SLC26A8: variants seen among roughly 807,000 people sequenced by gnomAD.
The protein encoded by SLC26A8 is testis anion transporter 1.
Under a neutral mutation model 105.0 loss-of-function variants are expected in SLC26A8, and 70 were observed. That is an observed-to-expected ratio of 0.67 (90% confidence interval 0.55 to 0.81). The LOEUF is 0.81. SLC26A8 is among the 40% of genes least tolerant of loss of function. The probability of loss-of-function intolerance (pLI) is 0.00; values close to 1 mark genes in which losing one functional copy is unlikely to be tolerated. For missense variants in SLC26A8, 998 were observed against 1,181.8 expected, an observed-to-expected ratio of 0.84 and a Z score of 2.28; for synonymous variants, 415 against 438.3, an observed-to-expected ratio of 0.95 and a Z score of 0.66.
chr6:35,987,005 C>A (rs1773548696), intron 7 of SLC26A8, among the ~76,000 whole-genome samples: 1 of 152,144 alleles, frequency 6.6e-6, no homozygotes, highest in South Asian at 2.1e-4. Context: ...ATTGCTGGAT[C>A]TGCCTTCAGG....
At chr6:35,979,684 G>C (rs566834501) in intron 8 of SLC26A8, among the ~76,000 whole-genome samples, 1 of 152,204 alleles carries the variant, frequency 6.6e-6, no homozygotes, top group East Asian at 1.9e-4. Flanking sequence ...ATCTATATTA[G>C]TAAAGCTTGA....
chr6:35,975,515 GC>G, intron 9 of SLC26A8, 27 bp from the exon 10 acceptor site: 1 of 1,446,768 alleles, frequency 6.9e-7, no homozygotes. Flanking sequence ...GATGCTTTAG[GC>G]CCCCGTTTTT....
chr6:36,009,578 A>G (rs565005416), intron 3 of SLC26A8, among the ~76,000 whole-genome samples: 6 of 152,310 alleles, frequency 3.9e-5, no homozygotes, highest in Non-Finnish European at 7.3e-5. Flanking sequence ...ATTATGAGGG[A>G]AAAAAACCAA....
chr6:35,955,601 C>G, intron 16 of SLC26A8, 81 bp from the exon 17 acceptor site: 1 of 1,523,308 alleles, frequency 6.6e-7, no homozygotes. Flanking sequence ...TATTTCTTGT[C>G]TCTGCCAGCT....
chr6:35,975,913 CAAAAAAAA>C (rs34783824), intron 9 of SLC26A8, among the ~76,000 whole-genome samples: 1 of 81,070 alleles, frequency 1.2e-5, no homozygotes, highest in Non-Finnish European at 2.3e-5. Context: ...AACTCCATCT[CAAAAAAAA>C]AAAAAAAAAA....
At chr6:35,954,207 G>A (rs1404471994) in intron 17 of SLC26A8, among the ~76,000 whole-genome samples, 1 of 152,200 alleles carries the variant, frequency 6.6e-6, no homozygotes, top group Non-Finnish European at 1.5e-5. Flanking sequence ...AGAACTGTTA[G>A]AGAAACCCAA....
chr6:35,982,095 CA>C, intron 8 of SLC26A8, 25 bp downstream of exon 8: 2 of 1,610,048 alleles, frequency 1.2e-6, no homozygotes, highest in Non-Finnish European at 1.7e-6. Context: ...AAGAGAAAAG[CA>C]ATCTTGAAAA....
At chr6:36,000,181 A>C in intron 3 of SLC26A8, 73 bp from the exon 4 acceptor site, 4 of 989,410 alleles carry the variant, frequency 4.0e-6, no homozygotes, top group Non-Finnish European at 6.3e-6. Flanking sequence ...TGTAAAGAAT[A>C]TTTAAAATAA....
chr6:36,002,223 A>G (rs567926188), intron 3 of SLC26A8, among the ~76,000 whole-genome samples: 106 of 152,120 alleles, frequency 7.0e-4, no homozygotes, highest in Non-Finnish European at 1.1e-3. Flanking sequence ...GAACCGAACT[A>G]AAAAGCCATC....
At chr6:35,970,400 G>C (rs1342610689) in intron 10 of SLC26A8, among the ~76,000 whole-genome samples, 1 of 152,172 alleles carries the variant, frequency 6.6e-6, no homozygotes, top group East Asian at 1.9e-4. Flanking sequence ...ATATGGAAAG[G>C]CTGAATCACA....
In SLC26A8 at chr6:35,979,130, G is replaced by A. The variant is rs183795018; in HGVS notation, c.1026-1779C>T. ...GCCTCCCACAGTGCTGGGATTACAG[G>A]CATGAGCCACTGTGTCTGGCCCTAC... On this transcript the variant is annotated intron_variant, in intron 8 of 19. Transcript: ENST00000490799. 7.2e-3 allele frequency among the ~76,000 whole-genome samples: 1,088 copies of A among 150,328 alleles called. 15 individuals carry two copies. Among genetic ancestry groups the A allele is most frequent in the African/African-American group, 0.024 (965 of 40,966 alleles).
Position 35,959,711 on chromosome 6 carries a change from T to C in SLC26A8, c.1731+3A>G. ...TGAGAAAGGCGGGCAGGAGGGCAGATACCTCTTTTAACAGCTTATGCTTTA... is the reference window on the plus strand; with the variant it reads ...TGAGAAAGGCGGGCAGGAGGGCAGACACCTCTTTTAACAGCTTATGCTTTA... On this transcript the variant is annotated splice_donor_region_variant and intron_variant, in intron 15 of 19. Coordinates refer to ENST00000490799, the MANE Select transcript of SLC26A8 (RefSeq NM_052961.4). 1 of 1,607,258 alleles carries C rather than the reference T, an allele frequency of 6.2e-7. No homozygotes were observed. The highest frequency in any genetic ancestry group is 8.5e-7 in the Non-Finnish European group (1 of 1,178,056).
At chr6:36,021,951 G>A (rs968817247) in intron 1 of SLC26A8, among the ~76,000 whole-genome samples, 3 of 151,532 alleles carry the variant, frequency 2.0e-5, no homozygotes, top group Non-Finnish European at 4.4e-5. Flanking sequence ...TTACACGCGT[G>A]AGCCACCGCG....
intron 2 of SLC26A8, 31 bp from the exon 3 acceptor site, chr6:36,012,403 G>A: frequency 6.5e-7 from 1 of 1,542,904 alleles, no homozygotes; most frequent in Admixed American, 2.3e-5. Flanking sequence ...GACTTGGTTA[G>A]TTTCTCCAAA....
chr6:35,976,853 CT>C (rs1488670496), intron 9 of SLC26A8, among the ~76,000 whole-genome samples: 3 of 152,020 alleles, frequency 2.0e-5, no homozygotes, highest in African/African-American at 7.3e-5. Flanking sequence ...CCAACCCTGG[CT>C]TTTTATAAGA....
chr6:35,971,300 ACATCT>A (rs1444968018), intron 10 of SLC26A8, among the ~76,000 whole-genome samples: 1 of 152,176 alleles, frequency 6.6e-6, no homozygotes, highest in Non-Finnish European at 1.5e-5. Context: ...TGCATGTTTT[ACATCT>A]CATGCATGCT....
At chr6:35,956,169 G>A (rs548567120) in intron 16 of SLC26A8, among the ~76,000 whole-genome samples, 7 of 152,214 alleles carry the variant, frequency 4.6e-5, no homozygotes, top group African/African-American at 1.7e-4. Context: ...AGGCTGAGGT[G>A]GGAGGATTGC....
Position 35,997,772 on chromosome 6 carries a change from A to G in SLC26A8, c.593T>C (p.Val198Ala), listed in dbSNP as rs1761395805. Residue 198 changes from valine to alanine, a missense_variant, in exon 5 of 20, where the codon GTG becomes GCG. Physicochemically the swap from Val to Ala is moderately conservative, Grantham distance 64. Transcript: ENST00000490799. ...CCCAGTCAGAAAAGTTGTGGTTGCC[A>G]CCACACTCAAGGATTTATTATAGCC... Reference protein sequence around the residue: ...LMGYNKSLSVVATTTFLTGII... With the variant: ...LMGYNKSLSVAATTTFLTGII... 1.2e-6 allele frequency: 2 copies of G among 1,614,062 alleles called. No individual in the cohort carries two copies. The highest frequency in any genetic ancestry group is 1.7e-6 in the Non-Finnish European group (2 of 1,180,032).
intron 2 of SLC26A8, among the ~76,000 whole-genome samples, chr6:36,018,011 A>G (rs1230487703): frequency 6.6e-6 from 1 of 152,258 alleles, no homozygotes; most frequent in Non-Finnish European, 1.5e-5. Context: ...TAGGTTGGCT[A>G]TAATTTAAAA....
Sources: gnomAD v4.1 joint callset for allele counts (sites outside exome capture counted in the v4.1 genomes callset) on GRCh38, gnomAD v4.1.1 for gene constraint, MANE v1.5 for transcripts, NCBI Gene and HGNC (gene_info 2026-07-23, HGNC 2026-07-21) for gene names.